Variants in PDS5A observed in about 807,000 individuals in gnomAD.
PDS5A encodes the protein sister chromatid cohesion protein PDS5 homolog A.
Under a neutral mutation model 167.1 loss-of-function variants are expected in PDS5A, and 42 were observed. That is an observed-to-expected ratio of 0.25 (90% CI 0.20 to 0.33). The LOEUF (loss-of-function observed/expected upper bound fraction) is 0.33. Among genes scored for constraint, PDS5A ranks in the 10% least tolerant of loss-of-function variants. The pLI, the probability that PDS5A is intolerant of heterozygous loss-of-function variation, is 1.00. For missense variants in PDS5A, 1,033 were observed against 1,605.9 expected (o/e 0.64, Z 6.10); for synonymous variants, 553 against 554.6 (o/e 1.00, Z 0.04).
chr4:39,861,657 A>C (rs921996832), intron 26 of PDS5A, among the ~76,000 whole-genome samples: 1 of 152,206 alleles, frequency 6.6e-6, no homozygotes, highest in African/African-American at 2.4e-5. Context: ...GCAGTGGCTT[A>C]ATCATAGCTC....
At chr4:39,924,872 G>A (rs1725310908) in intron 5 of PDS5A, among the ~76,000 whole-genome samples, 1 of 152,216 alleles carries the variant, frequency 6.6e-6, no homozygotes, top group South Asian at 2.1e-4. Flanking sequence ...AGCACTTTGG[G>A]AGGCCGAGGT....
At chr4:39,930,246 A>AAAATTTTTTTTTTTT in intron 2 of PDS5A, among the ~76,000 whole-genome samples, 1 of 93,090 alleles carries the variant, frequency 1.1e-5, no homozygotes, top group Non-Finnish European at 2.2e-5. Context: ...AAAAAAAAAA[A>AAAATTTTTTTTTTTT]GTTTTTTTGT....
rs1578703947 is a variant in PDS5A, at chr4:39,902,408, T to C, written c.1438A>G (p.Thr480Ala). 1 of 1,598,382 alleles carries C rather than the reference T, an allele frequency of 6.3e-7. No individual in the cohort carries two copies. The change falls in exon 13 of 33, where the codon ACA becomes GCA. Residue 480 changes from threonine (T) to alanine (A), a missense_variant. Transcript: ENST00000303538. ...TATAAGCATTTCATTCTCTCTTCTG[T>C]TTCCAGGTTGTGGGGGACAAGATAC... The part of the protein sequence containing the change: ...AQYLVPHNLE[T>A]EERMKCLYYL...
chr4:39,926,273 G>A (rs1420248143), intron 4 of PDS5A, among the ~76,000 whole-genome samples: 1 of 151,972 alleles, frequency 6.6e-6, no homozygotes, highest in Non-Finnish European at 1.5e-5. Flanking sequence ...TGTAATCCCA[G>A]CACTTTGGGA....
chr4:39,952,309 C>A (rs957918675), intron 2 of PDS5A, among the ~76,000 whole-genome samples: 5 of 152,116 alleles, frequency 3.3e-5, no homozygotes, highest in African/African-American at 9.7e-5. Context: ...CCAGTATGGG[C>A]CACAGAGTGA....
intron 32 of PDS5A, among the ~76,000 whole-genome samples, chr4:39,832,220 AT>A (rs111385282): frequency 2.0e-4 from 29 of 147,508 alleles, no homozygotes; most frequent in Admixed American, 2.7e-4. Flanking sequence ...GATTTCAATT[AT>A]TTTTTTTTTT....
At chr4:39,923,273 A>G (rs1323221884) in intron 5 of PDS5A, among the ~76,000 whole-genome samples, 1 of 150,530 alleles carries the variant, frequency 6.6e-6, no homozygotes, top group Non-Finnish European at 1.5e-5. Context: ...GTTTGCAGTG[A>G]GCAGAGATCA....
intron 26 of PDS5A, among the ~76,000 whole-genome samples, chr4:39,859,570 C>A (rs750763906): frequency 2.6e-5 from 4 of 152,186 alleles, no homozygotes; most frequent in Non-Finnish European, 5.9e-5. Context: ...GACAAGAATA[C>A]CATCTTTAAT....
chr4:39,858,039 A>G (rs570053631), intron 26 of PDS5A, among the ~76,000 whole-genome samples: 2 of 152,264 alleles, frequency 1.3e-5, no homozygotes, highest in South Asian at 2.1e-4. Context: ...ACTACAGAAC[A>G]GTGCTGGAAA....
chr4:39,977,541 CA>C lies in PDS5A; in HGVS notation c.-126del. ...CCGCCGCCCCTAGTCGGGCTGCACA[CA>C]AAGCGGCTCCGCGGGTCCCGCCGCC... On this transcript the variant is annotated 5_prime_UTR_variant, in exon 1 of 33. Coordinates refer to ENST00000303538, the MANE Select transcript of PDS5A (RefSeq NM_001100399.2). This position sits in a 1 kb window ranked among gnomAD's most constrained non-coding sequence, Gnocchi z 4.2. The C allele has an allele frequency of 6.2e-6, 1 of 161,946 alleles. No individual in the cohort carries two copies. Among genetic ancestry groups the C allele is most frequent in the Non-Finnish European group, 1.3e-5 (1 of 76,486 alleles). 10.0% of individuals were successfully genotyped at this position (161,946 alleles called of 1,614,324 possible).
intron 24 of PDS5A, 29 bp downstream of exon 24, chr4:39,863,307 T>A: frequency 6.6e-7 from 1 of 1,523,804 alleles, no homozygotes. Context: ...TGAAGATAAG[T>A]AATTGACAAA....
intron 2 of PDS5A, chr4:39,973,565 G>A: frequency 2.4e-6 from 3 of 1,236,058 alleles, no homozygotes; most frequent in Non-Finnish European, 3.6e-6. Flanking sequence ...ATGATGGAGG[G>A]TGGTCACAGC....
In PDS5A at chr4:39,852,660, A is replaced by T. The variant is rs1450228294; in HGVS notation, c.3087-3008T>A. On this transcript the variant is annotated intron_variant, in intron 26 of 32. Coordinates refer to ENST00000303538, the MANE Select transcript of PDS5A (RefSeq NM_001100399.2). ...GTGAGTTCAGCTTCTATCATCCCCA[A>T]AGCTAATTCCAGTTATTCTTCCAGG... 3.3e-5 allele frequency among the ~76,000 whole-genome samples: 5 copies of T among 151,966 alleles called. No individual in the cohort carries two copies. In the East Asian group the frequency reaches 9.6e-4, roughly 29 times the overall value.
chr4:39,882,786 G>C (rs949278292), intron 17 of PDS5A, among the ~76,000 whole-genome samples: 4 of 152,042 alleles, frequency 2.6e-5, no homozygotes, highest in Non-Finnish European at 5.9e-5. Context: ...CTCTTATAAA[G>C]TATTTTTCCT....
intron 2 of PDS5A, among the ~76,000 whole-genome samples, chr4:39,963,957 A>T (rs1049718691): frequency 6.6e-6 from 1 of 152,140 alleles, no homozygotes; most frequent in African/African-American, 2.4e-5. Flanking sequence ...ACCAGGCTGG[A>T]GTGCAGTGGA....
intron 27 of PDS5A, 87 bp from the exon 28 acceptor site, chr4:39,849,057 A>G (rs1283204080): frequency 2.4e-5 from 23 of 941,956 alleles, no homozygotes; most frequent in Non-Finnish European, 3.1e-5. Context: ...ATTTAGAGTT[A>G]AAAGAAGGAT....
intron 2 of PDS5A, among the ~76,000 whole-genome samples, chr4:39,963,885 T>A (rs1279469546): frequency 6.6e-6 from 1 of 151,780 alleles, no homozygotes; most frequent in Non-Finnish European, 1.5e-5. Context: ...ATATATAAAT[T>A]GATAAACAGA....
intron 12 of PDS5A, among the ~76,000 whole-genome samples, chr4:39,902,947 T>C (rs1307160558): frequency 1.3e-5 from 2 of 152,202 alleles, no homozygotes; most frequent in East Asian, 3.8e-4. Flanking sequence ...TTCAGTACAG[T>C]TTAACTTTAG....
intron 11 of PDS5A, among the ~76,000 whole-genome samples, chr4:39,906,810 T>C (rs1019677620): frequency 6.6e-6 from 1 of 151,548 alleles, no homozygotes. Flanking sequence ...AATACTTCTT[T>C]ATAAATTTTT....
Sources: gnomAD v4.1 joint callset for allele counts (sites outside exome capture counted in the v4.1 genomes callset) on GRCh38, gnomAD v4.1.1 for gene constraint, Gnocchi (gnomAD v3.1) non-coding constraint, MANE v1.5 for transcripts, NCBI Gene and HGNC (gene_info 2026-07-23, HGNC 2026-07-21) for gene names.